Variants in RABGAP1 observed in about 807,000 individuals in gnomAD.
RABGAP1 encodes RAB GTPase activating protein 1.
In RABGAP1, 23 loss-of-function variants were observed where a neutral mutation model predicts 137.6. The ratio of observed to expected loss-of-function variants is 0.17; its 90% confidence interval spans 0.12 to 0.24. RABGAP1 has a LOEUF of 0.24. Among genes scored for constraint, RABGAP1 ranks in the 10% least tolerant of loss-of-function variants. The probability of loss-of-function intolerance (pLI) is 1.00; values close to 1 mark genes in which losing one functional copy is unlikely to be tolerated. For missense variants in RABGAP1, 906 were observed against 1,275.8 expected (o/e 0.71, Z 4.42); for synonymous variants, 451 against 450.7 (o/e 1.00, Z -0.01).
intron 13 of RABGAP1, among the ~76,000 whole-genome samples, chr9:123,057,509 G>T (rs2033777506): frequency 6.6e-6 from 1 of 151,828 alleles, no homozygotes; most frequent in South Asian, 2.1e-4. Flanking sequence ...GTCGGGAAGA[G>T]GCGCTCCTCA....
chr9:123,051,605 C>A (rs548830187), intron 13 of RABGAP1, among the ~76,000 whole-genome samples: 2 of 151,648 alleles, frequency 1.3e-5, no homozygotes, highest in Non-Finnish European at 2.9e-5. Context: ...GTTACTAGGG[C>A]CTTTAGTTAT....
At chr9:123,057,189 G>C (rs1310043770) in intron 13 of RABGAP1, among the ~76,000 whole-genome samples, 1 of 151,654 alleles carries the variant, frequency 6.6e-6, no homozygotes, top group South Asian at 2.1e-4. Flanking sequence ...GGTGGCTGCC[G>C]GGCGGAGACG....
intron 2 of RABGAP1, among the ~76,000 whole-genome samples, chr9:122,979,862 A>C (rs1835956264): frequency 6.6e-6 from 1 of 152,240 alleles, no homozygotes; most frequent in Admixed American, 6.5e-5. Flanking sequence ...ACTTTACCTG[A>C]AACTACATTT....
At chr9:123,000,064 C>T (rs1837240896) in intron 10 of RABGAP1, among the ~76,000 whole-genome samples, 1 of 151,872 alleles carries the variant, frequency 6.6e-6, no homozygotes, top group African/African-American at 2.4e-5. Flanking sequence ...TTACATTGAG[C>T]AGGTTTTCTT....
At chr9:122,974,922 G>A (rs1835685779) in intron 2 of RABGAP1, among the ~76,000 whole-genome samples, 1 of 152,236 alleles carries the variant, frequency 6.6e-6, no homozygotes, top group Non-Finnish European at 1.5e-5. Flanking sequence ...CAGAATGAGT[G>A]TGTAAGCAGG....
At chr9:122,965,337 G>A (rs989990409) in intron 2 of RABGAP1, among the ~76,000 whole-genome samples, 7 of 152,150 alleles carry the variant, frequency 4.6e-5, no homozygotes, top group Non-Finnish European at 1.0e-4. Context: ...GGTGGGAATA[G>A]AAAGGTGATA....
At chr9:122,943,254 A>T (rs1833721365) in intron 1 of RABGAP1, among the ~76,000 whole-genome samples, 1 of 151,750 alleles carries the variant, frequency 6.6e-6, no homozygotes, top group Non-Finnish European at 1.5e-5. Flanking sequence ...TTTTTACTAG[A>T]GACGGGGTTT....
At chr9:123,030,829 T>A (rs988317788) in intron 13 of RABGAP1, among the ~76,000 whole-genome samples, 4 of 152,228 alleles carry the variant, frequency 2.6e-5, no homozygotes, top group Non-Finnish European at 2.9e-5. Context: ...TCTGTAAGGA[T>A]ACAAATTTAT....
At chr9:123,088,738 T>G (rs2034946742) in intron 19 of RABGAP1, among the ~76,000 whole-genome samples, 1 of 152,270 alleles carries the variant, frequency 6.6e-6, no homozygotes, top group African/African-American at 2.4e-5. Flanking sequence ...TTGGTTATAG[T>G]TTAGCTTGAA....
At chr9:123,029,449 C>T (rs774046518) in intron 13 of RABGAP1, 10 of 1,540,484 alleles carry the variant, frequency 6.5e-6, no homozygotes, top group South Asian at 1.1e-5. Flanking sequence ...GAGCTCTGTG[C>T]TTTGAAACCA....
intron 1 of RABGAP1, among the ~76,000 whole-genome samples, chr9:122,943,877 C>T (rs35091070): frequency 0.088 from 13,395 of 152,080 alleles, 1,698 homozygotes; most frequent in East Asian, 0.61. Context: ...GGCGTGAACC[C>T]GGGAGGCGGA....
chr9:123,000,747 C>T (rs1428934816), intron 10 of RABGAP1, among the ~76,000 whole-genome samples: 1 of 151,952 alleles, frequency 6.6e-6, no homozygotes, highest in Non-Finnish European at 1.5e-5. Context: ...CTCCTGGGCT[C>T]CAGAAGTCTG....
intron 25 of RABGAP1, among the ~76,000 whole-genome samples, chr9:123,101,972 T>A (rs1467354220): frequency 6.6e-6 from 1 of 152,192 alleles, no homozygotes; most frequent in Non-Finnish European, 1.5e-5. Flanking sequence ...GCTGTCATAT[T>A]GAGAATAATA....
chr9:122,944,232 T>C (rs1222668708), intron 1 of RABGAP1, among the ~76,000 whole-genome samples: 1 of 151,840 alleles, frequency 6.6e-6, no homozygotes, highest in African/African-American at 2.4e-5. Context: ...CAACACACTT[T>C]TTTTTTTTTT....
chr9:123,077,622 TTG>T (rs1258580660), intron 19 of RABGAP1, among the ~76,000 whole-genome samples: 24 of 90,998 alleles, frequency 2.6e-4, no homozygotes, highest in Non-Finnish European at 4.0e-4. Context: ...TTGTATTGTA[TTG>T]TATTGTATTG....
chr9:122,995,862 C>G (rs535414929), intron 6 of RABGAP1, among the ~76,000 whole-genome samples, 179 bp from the exon 7 acceptor site: 1 of 152,232 alleles, frequency 6.6e-6, no homozygotes, highest in South Asian at 2.1e-4. Context: ...AGCCATAGTG[C>G]CTAGACTCAA....
intron 13 of RABGAP1, among the ~76,000 whole-genome samples, chr9:123,036,307 A>G (rs371641251): frequency 5.3e-5 from 8 of 152,362 alleles, no homozygotes; most frequent in African/African-American, 9.6e-5. Flanking sequence ...TTTTTGTGCC[A>G]TGCTTCACAG....
At chr9:123,099,179 G>A (rs181592821) in intron 23 of RABGAP1, among the ~76,000 whole-genome samples, 12 of 152,272 alleles carry the variant, frequency 7.9e-5, no homozygotes, top group Admixed American at 3.3e-4. Flanking sequence ...TAACAGAATG[G>A]TCTTGTTCCC....
intron 1 of RABGAP1, among the ~76,000 whole-genome samples, chr9:122,942,410 C>T (rs1037037709): frequency 3.3e-5 from 5 of 152,080 alleles, no homozygotes; most frequent in African/African-American, 9.7e-5. Context: ...GGTGCGTTCA[C>T]GCCTGTGATC....
Sources: allele counts gnomAD v4.1 joint callset (sites outside exome capture counted in the v4.1 genomes callset), GRCh38; gene constraint gnomAD v4.1.1; transcripts MANE v1.5; gene names NCBI Gene and HGNC (gene_info 2026-07-23, HGNC 2026-07-21).